LNX2: variants seen among roughly 807,000 people sequenced by gnomAD.
The protein encoded by LNX2 is ligand of Numb protein X 2.
In LNX2, 35 loss-of-function variants were observed where a neutral mutation model predicts 66.2. That is an observed-to-expected ratio of 0.53 (90% CI 0.40 to 0.70). The LOEUF (loss-of-function observed/expected upper bound fraction) is 0.70, where lower values mean the gene tolerates loss of function less well. Among genes scored for constraint, LNX2 ranks in the 30% least tolerant of loss-of-function variants. The pLI is 0.00. For synonymous variants in LNX2, 337 were observed against 315.6 expected, an observed-to-expected ratio of 1.07 and a Z score of -0.72; for missense variants, 791 against 850.8, an observed-to-expected ratio of 0.93 and a Z score of 0.87.
intron 2 of LNX2, among the ~76,000 whole-genome samples, chr13:27,578,643 A>G (rs1034024237): frequency 6.6e-6 from 1 of 152,198 alleles, no homozygotes; most frequent in Non-Finnish European, 1.5e-5. Flanking sequence ...CCACTTATGT[A>G]AGAACTTTAA....
intron 1 of LNX2, among the ~76,000 whole-genome samples, chr13:27,616,498 T>G (rs1051041119): frequency 6.6e-6 from 1 of 152,178 alleles, no homozygotes; most frequent in Non-Finnish European, 1.5e-5. Context: ...AGGTTAAATT[T>G]TAAAAGACCC....
At chr13:27,590,607 T>C (rs778426446) in intron 1 of LNX2, among the ~76,000 whole-genome samples, 4 of 151,964 alleles carry the variant, frequency 2.6e-5, no homozygotes, top group Admixed American at 6.6e-5. Flanking sequence ...TGTTAGTAAA[T>C]AGGTGGTTTT....
At chr13:27,567,881 A>T (rs780663637) in intron 3 of LNX2, 42 bp from the exon 4 acceptor site, 1 of 1,516,880 alleles carries the variant, frequency 6.6e-7, no homozygotes, top group Non-Finnish European at 9.2e-7. Flanking sequence ...AGATGTTAAA[A>T]AAATAAACAA....
intron 1 of LNX2, among the ~76,000 whole-genome samples, chr13:27,596,358 A>G (rs1171380056): frequency 2.6e-5 from 4 of 152,228 alleles, no homozygotes; most frequent in African/African-American, 9.7e-5. Context: ...CAATTGAGTG[A>G]GATGTAAACA....
At chr13:27,573,285 T>C (rs957968595) in intron 2 of LNX2, among the ~76,000 whole-genome samples, 1 of 152,142 alleles carries the variant, frequency 6.6e-6, no homozygotes, top group African/African-American at 2.4e-5. Flanking sequence ...TTAACTGACC[T>C]GTCTATGGTT....
At chr13:27,577,502 C>T (rs1955352614) in intron 2 of LNX2, among the ~76,000 whole-genome samples, 1 of 151,914 alleles carries the variant, frequency 6.6e-6, no homozygotes, top group South Asian at 2.1e-4. Context: ...GAATAATTGT[C>T]TTGGTCCACA....
chr13:27,567,897 A>G, intron 3 of LNX2, 58 bp from the exon 4 acceptor site: 1 of 1,357,766 alleles, frequency 7.4e-7, no homozygotes, highest in South Asian at 1.2e-5. Flanking sequence ...AACAAACCCA[A>G]CAATTTATAT....
intron 2 of LNX2, among the ~76,000 whole-genome samples, 179 bp downstream of exon 2, chr13:27,581,118 T>C (rs931416339): frequency 6.6e-6 from 1 of 152,230 alleles, no homozygotes; most frequent in South Asian, 2.1e-4. Context: ...GTATTCATGT[T>C]TTTGATAAAT....
chr13:27,549,618 A>T lies in LNX2; in HGVS notation c.1937+715T>A, dbSNP rs145466212. ...AGCCTCAGTTATCTTGTTTGTTTTA[A>T]AACAGGGATAATAAAGAAACTTACC... On this transcript the variant is annotated intron_variant, in intron 9 of 9. Transcript: ENST00000316334. 3.6e-3 allele frequency among the ~76,000 whole-genome samples: 547 copies of T among 152,338 alleles called. 1 individual carries two copies. The highest frequency in any genetic ancestry group is 0.013 in the African/African-American group (524 of 41,584).
chr13:27,607,313 G>A (rs138340095), intron 1 of LNX2, among the ~76,000 whole-genome samples: 1 of 152,120 alleles, frequency 6.6e-6, no homozygotes, highest in Admixed American at 6.5e-5. Context: ...TTCTAAAAAC[G>A]CACCACAACG....
At chr13:27,572,533 T>G (rs1955294577) in intron 2 of LNX2, among the ~76,000 whole-genome samples, 1 of 152,228 alleles carries the variant, frequency 6.6e-6, no homozygotes, top group African/African-American at 2.4e-5. Flanking sequence ...TTTAATTTTC[T>G]TAAATAAAAC....
rs1190416946 is a variant in LNX2, at chr13:27,583,210, G to T, written c.-100-1407C>A. On this transcript the variant is annotated intron_variant, in intron 1 of 9. Coordinates refer to ENST00000316334, the MANE Select transcript of LNX2 (RefSeq NM_153371.4). ...TGTGTGTGTGTGTGTGTGTGTGTGT[G>T]TGTGTGTGTGTGTGTGTGTGTGTGT... Among the ~76,000 whole-genome samples the T allele has an allele frequency of 8.2e-3, 181 of 22,062 alleles. 13 individuals are homozygous for T. Among genetic ancestry groups the T allele is most frequent in the Admixed American group, 9.3e-3 (24 of 2,582 alleles). 14.5% of individuals were successfully genotyped at this position (22,062 alleles called of 152,430 possible).
intron 1 of LNX2, among the ~76,000 whole-genome samples, chr13:27,596,260 G>A (rs1269929968): frequency 6.6e-6 from 1 of 152,106 alleles, no homozygotes; most frequent in Non-Finnish European, 1.5e-5. Context: ...TGCACATTTT[G>A]TCATTTACTA....
At chr13:27,615,887 G>A (rs1955820641) in intron 1 of LNX2, among the ~76,000 whole-genome samples, 1 of 152,096 alleles carries the variant, frequency 6.6e-6, no homozygotes, top group South Asian at 2.1e-4. Context: ...AAGTCTGTGA[G>A]CCAAGCCAGA....
At chr13:27,614,894 A>G (rs1340769623) in intron 1 of LNX2, among the ~76,000 whole-genome samples, 1 of 152,170 alleles carries the variant, frequency 6.6e-6, no homozygotes, top group African/African-American at 2.4e-5. Flanking sequence ...GATAGACAAC[A>G]GAGCCTTGGA....
At chr13:27,607,844 T>A (rs1955733891) in intron 1 of LNX2, among the ~76,000 whole-genome samples, 1 of 152,210 alleles carries the variant, frequency 6.6e-6, no homozygotes, top group African/African-American at 2.4e-5. Flanking sequence ...TTAGTTAAAT[T>A]TCCGTGGTGA....
At chr13:27,550,289 A>G in intron 9 of LNX2, 44 bp downstream of exon 9, 1 of 1,561,098 alleles carries the variant, frequency 6.4e-7, no homozygotes, top group Non-Finnish European at 8.8e-7. Flanking sequence ...ATCATGTCCA[A>G]TGTCATCAAC....
In LNX2 at chr13:27,601,727, T is replaced by A. The variant is rs189368007; in HGVS notation, c.-101+18648A>T. Among the ~76,000 whole-genome samples the A allele has an allele frequency of 1.1e-3, 160 of 152,298 alleles. 1 individual carries two copies. The highest frequency in any genetic ancestry group is 1.9e-4 in the Non-Finnish European group (13 of 68,022). On this transcript the variant is annotated intron_variant, in intron 1 of 9. Coordinates refer to ENST00000316334, the MANE Select transcript of LNX2 (RefSeq NM_153371.4). ...TAGAGACAGGGTCTCAGTTCTGTCA[T>A]CTAGGGTGGAGTGTAGTGCCATAAT...
chr13:27,587,969 C>T (rs566818218), intron 1 of LNX2, among the ~76,000 whole-genome samples: 1 of 141,116 alleles, frequency 7.1e-6, no homozygotes, highest in South Asian at 2.2e-4. Context: ...TGCAGTAAGC[C>T]GAGATGGCGC....
Sources: gnomAD v4.1 joint callset for allele counts (sites outside exome capture counted in the v4.1 genomes callset) on GRCh38, gnomAD v4.1.1 for gene constraint, MANE v1.5 for transcripts, NCBI Gene and HGNC (gene_info 2026-07-23, HGNC 2026-07-21) for gene names.